Variants in OSER1 observed in about 807,000 individuals in gnomAD.
OSER1 encodes oxidative stress-responsive serine-rich protein 1.
A neutral mutation model predicts 26.3 loss-of-function variants in OSER1; 15 were observed. That is an observed-to-expected ratio of 0.57 (90% CI 0.38 to 0.88). OSER1 has a LOEUF of 0.88. Ranked by LOEUF, OSER1 falls within the 40% of genes least tolerant of loss-of-function variation. OSER1 has a pLI of 0.00. For missense variants in OSER1, 313 were observed against 353.9 expected, an observed-to-expected ratio of 0.88 and a Z score of 0.93; for synonymous variants, 127 against 128.2, an observed-to-expected ratio of 0.99 and a Z score of 0.07.
intron 2 of OSER1, among the ~76,000 whole-genome samples, chr20:44,204,451 T>G (rs1171315066): frequency 6.6e-6 from 1 of 152,178 alleles, no homozygotes; most frequent in African/African-American, 2.4e-5. Context: ...TTCTTATAAT[T>G]TTACTCAAGG....
Position 44,196,305 on chromosome 20 carries a change from A to C in OSER1, c.*747T>G, listed in dbSNP as rs1440052922. 3.6e-5 allele frequency among the ~76,000 whole-genome samples: 5 copies of C among 139,940 alleles called. No homozygotes were observed. Among genetic ancestry groups the C allele is most frequent in the South Asian group, 2.3e-4 (1 of 4,294 alleles). 91.8% of individuals were successfully genotyped at this position (139,940 alleles called of 152,430 possible). A position where few individuals can be genotyped will look rare whatever the true frequency, so the allele number is the denominator to read the frequency against. ...ATTACAACTGATAACAAAAAAAAAAAAAAAAAACCGCCATATATTTAAAAT... is the reference window on the plus strand; with the variant it reads ...ATTACAACTGATAACAAAAAAAAAACAAAAAAACCGCCATATATTTAAAAT... On this transcript the variant is annotated 3_prime_UTR_variant, in exon 4 of 4. Coordinates refer to ENST00000255174, the MANE Select transcript of OSER1 (RefSeq NM_016470.8).
chr20:44,203,072 G>C lies in OSER1; in HGVS notation c.80C>G (p.Ser27Cys), dbSNP rs2072999688. ...TTCTCCAACAGACAGAGATGCTACA[G>C]ACCTGAAGACAAGAACAAAGTTTAC... Reference protein sequence around the residue: ...FKKLRVDASGSVASLSVGEGT... With the variant: ...FKKLRVDASGCVASLSVGEGT... The change falls in exon 3 of 4, where the codon TCT becomes TGT. Residue 27 changes from serine (S) to cysteine (C), a missense_variant and splice_region_variant. Around this residue, in one of 2 missense-constraint regions of OSER1, gnomAD observed 300 missense variants for 318.3 expected, o/e 0.94. Transcript: ENST00000255174. The C allele has an allele frequency of 1.3e-6, 2 of 1,569,638 alleles. No individual in the cohort carries two copies. Among genetic ancestry groups the C allele is most frequent in the African/African-American group, 1.3e-5 (1 of 74,130 alleles).
chr20:44,198,069 C>T (rs542728497), intron 3 of OSER1, among the ~76,000 whole-genome samples: 2 of 152,314 alleles, frequency 1.3e-5, no homozygotes, highest in African/African-American at 4.8e-5. Context: ...GAGGGAAGCA[C>T]CTCAAACATA....
rs141513039 is a variant in OSER1, at chr20:44,200,698, T to TA, written c.191+2262dup. ...ATGACCAAGAAATTTTCTGAATTGA[T>TA]AAGAGAATCTATGAACACAGGAAAT... On this transcript the variant is annotated intron_variant, in intron 3 of 3. Coordinates refer to ENST00000255174, the MANE Select transcript of OSER1 (RefSeq NM_016470.8). 7.8e-3 allele frequency among the ~76,000 whole-genome samples: 1,185 copies of TA among 152,254 alleles called. 21 individuals carry two copies. Among genetic ancestry groups the TA allele is most frequent in the East Asian group, 0.054 (282 of 5,178 alleles).
chr20:44,197,471 C>T lies in OSER1; in HGVS notation c.460G>A (p.Val154Ile), dbSNP rs772745776. ...GAVVEPLRTS[V>I]PRLPSESKKE... Reference sequence around the variant, plus strand: ...TTACTCTCTGATGGGAGCCTTGGAACAGAAGTTCTCAAAGGCTCAACGACT... The same window carrying T: ...TTACTCTCTGATGGGAGCCTTGGAATAGAAGTTCTCAAAGGCTCAACGACT... Residue 154 changes from valine to isoleucine, a missense_variant, in exon 4 of 4, where the codon GTT becomes ATT. By Grantham distance (29) the Val-to-Ile change is conservative (BLOSUM62 3). This residue lies in a region of OSER1 where 300 missense variants were observed against 318.3 expected (regional missense o/e 0.94). Transcript: ENST00000255174. The T allele has an allele frequency of 2.5e-6, 4 of 1,614,200 alleles. No homozygotes were observed. Among genetic ancestry groups the T allele is most frequent in the South Asian group, 2.2e-5 (2 of 91,088 alleles).
upstream of OSER1, among the ~76,000 whole-genome samples, chr20:44,211,782 C>G (rs942346022): frequency 2.6e-5 from 4 of 152,206 alleles, no homozygotes; most frequent in Admixed American, 1.3e-4. Context: ...CTCTCCTCGC[C>G]TGCCAATCTC....
chr20:44,211,016 C>T (rs562752516), upstream of OSER1: 1 of 152,544 alleles, frequency 6.6e-6, no homozygotes, highest in East Asian at 1.9e-4. Flanking sequence ...TGCCTCCTCC[C>T]AGTGGCGTGG....
rs559946815 is a variant in OSER1, at chr20:44,196,180, A to G, written c.*872T>C. On this transcript the variant is annotated 3_prime_UTR_variant, in exon 4 of 4. Transcript: ENST00000255174. ...TGAAATGGCTGACCAAATCTGTGGG[A>G]TACAGAATGTACAAAATTCTCTTTT... Among the ~76,000 whole-genome samples the G allele has an allele frequency of 1.3e-5, 2 of 152,074 alleles. No individual in the cohort carries two copies. Among genetic ancestry groups the G allele is most frequent in the South Asian group, 4.2e-4 (2 of 4,802 alleles).
At chr20:44,210,311 A>G (rs2145946785) in intron 1 of OSER1, among the ~76,000 whole-genome samples, 1 of 152,272 alleles carries the variant, frequency 6.6e-6, no homozygotes, top group East Asian at 1.9e-4. Flanking sequence ...CGGGAGAAGA[A>G]AGGAGTGGGG....
intron 2 of OSER1, among the ~76,000 whole-genome samples, chr20:44,203,647 A>G (rs2073006565): frequency 6.6e-6 from 1 of 151,810 alleles, no homozygotes; most frequent in African/African-American, 2.4e-5. Flanking sequence ...CTCACAACCC[A>G]GAGACTACCA....
chr20:44,199,332 T>C (rs1439266160), intron 3 of OSER1, among the ~76,000 whole-genome samples: 1 of 152,170 alleles, frequency 6.6e-6, no homozygotes, highest in African/African-American at 2.4e-5. Flanking sequence ...ACGGCTCTGT[T>C]ATAAAAGCCG....
At chr20:44,207,151 G>C (rs1322572112) in intron 1 of OSER1, 153 bp from the exon 2 acceptor site, 1 of 485,488 alleles carries the variant, frequency 2.1e-6, no homozygotes. Context: ...TTCTTAAAGG[G>C]AAACAAATGA....
At chr20:44,202,932 T>TA in intron 3 of OSER1, 29 bp downstream of exon 3, 1 of 1,256,286 alleles carries the variant, frequency 8.0e-7, no homozygotes, top group Middle Eastern at 1.9e-4. Context: ...AATATTGGAA[T>TA]AAAAATCATC....
rs747539051 is a variant in OSER1 at position 44,206,938 on chromosome 20, T to A, written c.20A>T (p.Asp7Val). Residue 7 changes from aspartate (D) to valine (V), a missense_variant, in exon 2 of 4, where the codon GAT becomes GTT. This residue lies in a region of OSER1 where 300 missense variants were observed against 318.3 expected (regional missense o/e 0.94). Transcript: ENST00000255174. MKSEAK[D>V]GEEESLQTAF... is the part of the protein sequence containing the mutation. ...AGTCTGTAGACTCTCCTCCTCTCCATCCTTGGCTTCGGATTTCATTGTGCA... is the reference window on the plus strand; with the variant it reads ...AGTCTGTAGACTCTCCTCCTCTCCAACCTTGGCTTCGGATTTCATTGTGCA... 3 of 1,607,262 alleles carry A rather than the reference T, an allele frequency of 1.9e-6. No homozygotes were observed. Among genetic ancestry groups the A allele is most frequent in the Non-Finnish European group, 2.6e-6 (3 of 1,174,206 alleles).
In OSER1 at chr20:44,196,064, AC is replaced by A. The variant is rs760477851; in HGVS notation, c.*987del. On this transcript the variant is annotated 3_prime_UTR_variant, in exon 4 of 4. Coordinates refer to ENST00000255174, the MANE Select transcript of OSER1 (RefSeq NM_016470.8). ...GCTCAGGATGGTCTGAACACATGCA[AC>A]ATTCTTTTTGGAGCCACCTGAAAAA... 6.6e-6 allele frequency among the ~76,000 whole-genome samples: 1 copy of A among 152,214 alleles called. No individual in the cohort carries two copies. Among genetic ancestry groups the A allele is most frequent in the Non-Finnish European group, 1.5e-5 (1 of 68,034 alleles).
chr20:44,206,899 A>T lies in OSER1; in HGVS notation c.59T>A (p.Leu20Ter). ...TAATTACCCTGATGCATCCACTCTT[A>T]ATTTTTTGAAAGCAGTCTGTAGACT... is the stretch of plus-strand genomic sequence containing the variant. ...EESLQTAFKKLRVDASGSVAS... is the reference protein window; with the variant it reads ...EESLQTAFKK The change falls in exon 2 of 4, where the codon TTA becomes TAA. Residue 20 changes from leucine to a stop codon, truncating the protein, a stop_gained. Transcript: ENST00000255174. LOFTEE classifies it high-confidence loss of function. The T allele has an allele frequency of 6.6e-7, 1 of 1,520,878 alleles. No individual in the cohort carries two copies. The highest frequency in any genetic ancestry group is 1.4e-5 in the African/African-American group (1 of 73,070). The allele number at this position is 1,520,878 out of a possible 1,614,324, so 94.2% of individuals were successfully genotyped here. A position where few individuals can be genotyped will look rare whatever the true frequency, so the allele number is the denominator to read the frequency against.
At chr20:44,199,604 T>C (rs1206031315) in intron 3 of OSER1, among the ~76,000 whole-genome samples, 7 of 152,228 alleles carry the variant, frequency 4.6e-5, no homozygotes, top group Non-Finnish European at 7.3e-5. Context: ...AATCGTATAC[T>C]GAGGTTGCTA....
intron 2 of OSER1, among the ~76,000 whole-genome samples, chr20:44,205,512 T>G (rs1424880142): frequency 6.6e-6 from 1 of 152,210 alleles, no homozygotes; most frequent in Admixed American, 6.5e-5. Flanking sequence ...ATCTTCTCAT[T>G]TGATAGCCCA....
At chr20:44,210,983 T>G (rs997907655), upstream of OSER1, 1 of 152,250 alleles carries the variant, frequency 6.6e-6, no homozygotes, top group Non-Finnish European at 1.5e-5. Context: ...GCGCCTTACG[T>G]AATTTCCTGT....
Sources: gnomAD v4.1 joint callset for allele counts (sites outside exome capture counted in the v4.1 genomes callset) on GRCh38, gnomAD v4.1.1 for gene constraint, gnomAD v4.1.1 regional missense constraint, MANE v1.5 for transcripts, NCBI Gene and HGNC (gene_info 2026-07-23, HGNC 2026-07-21) for gene names.